The following HNRNPD variants were observed in gnomAD, a reference collection of about 807,000 sequenced individuals.
The protein encoded by HNRNPD is heterogeneous nuclear ribonucleoprotein D.
A neutral mutation model predicts 47.9 loss-of-function variants in HNRNPD; 3 were observed. That is an observed-to-expected ratio of 0.06 (90% CI 0.03 to 0.16). The LOEUF (loss-of-function observed/expected upper bound fraction) is 0.16, where lower values mean the gene tolerates loss of function less well. Ranked by LOEUF, HNRNPD falls within the 10% of genes least tolerant of loss-of-function variation. The probability of loss-of-function intolerance (pLI) is 1.00; values close to 1 mark genes in which losing one functional copy is unlikely to be tolerated. For missense variants in HNRNPD, 287 were observed against 454.2 expected (o/e 0.63, Z 3.35); for synonymous variants, 171 against 165.1 (o/e 1.04, Z -0.28).
At chr4:82,365,912 CTTTT>C (rs898977259) in intron 2 of HNRNPD, among the ~76,000 whole-genome samples, 10 of 151,214 alleles carry the variant, frequency 6.6e-5, no homozygotes, top group African/African-American at 2.2e-4. Context: ...ACCCAGCCCA[CTTTT>C]TTTAACTATT....
At chr4:82,372,340 T>C (rs1322300429) in intron 1 of HNRNPD, among the ~76,000 whole-genome samples, 2 of 152,130 alleles carry the variant, frequency 1.3e-5, no homozygotes, top group Non-Finnish European at 2.9e-5. Context: ...TTAGGTAGTA[T>C]ATACAACTGT....
At chr4:82,358,587 C>G in intron 4 of HNRNPD, 72 bp downstream of exon 4, 1 of 1,372,874 alleles carries the variant, frequency 7.3e-7, no homozygotes, top group Non-Finnish European at 1.0e-6. Context: ...CCAAGTGACT[C>G]TGAGTCCATA....
At position 82,373,933 on chromosome 4, in the gene HNRNPD, C is replaced by T. The variant is rs1720290463; in HGVS notation, c.-255G>A. ...AAAAAAGAATAAGCACCAGCGGCGGCCGCTCTCGCCTCCTCCTCGCTTTAA... is the reference window on the plus strand; with the variant it reads ...AAAAAAGAATAAGCACCAGCGGCGGTCGCTCTCGCCTCCTCCTCGCTTTAA... On this transcript the variant is annotated 5_prime_UTR_variant, in exon 1 of 9. Transcript: ENST00000313899. 5 of 839,430 alleles carry T rather than the reference C, an allele frequency of 6.0e-6. No individual in the cohort carries two copies. The South Asian group carries it at 8.2e-5, about 14-fold the overall frequency. 52.0% of individuals were successfully genotyped at this position (839,430 alleles called of 1,614,324 possible).
At position 82,352,542 on chromosome 4, in the gene HNRNPD, CAT is replaced by C. The variant is rs1723540345; in HGVS notation, c.*1641_*1642del. The C allele has an allele frequency of 6.6e-6, 1 of 152,074 alleles. No homozygotes were observed. Among genetic ancestry groups the C allele is most frequent in the South Asian group, 2.1e-4 (1 of 4,828 alleles). The allele number at this position is 152,074 out of a possible 1,614,324, so 9.4% of individuals were successfully genotyped here. A position where few individuals can be genotyped will look rare whatever the true frequency, so the allele number is the denominator to read the frequency against. The stretch of plus-strand genomic sequence containing the variant: ...TATTGAGAGATTTACATAAAATAAG[CAT>C]ATGATACCAAAAAGAACCCTAGCTT... On this transcript the variant is annotated 3_prime_UTR_variant, in exon 9 of 9. Transcript: ENST00000313899.
At chr4:82,364,891 G>A (rs1719675925) in intron 2 of HNRNPD, among the ~76,000 whole-genome samples, 1 of 152,068 alleles carries the variant, frequency 6.6e-6, no homozygotes, top group African/African-American at 2.4e-5. Flanking sequence ...GGACTATTTA[G>A]GTCACTAGGT....
chr4:82,362,701 C>G (rs1177130960), intron 2 of HNRNPD, among the ~76,000 whole-genome samples: 1 of 152,076 alleles, frequency 6.6e-6, no homozygotes, highest in Admixed American at 6.5e-5. Flanking sequence ...CTCCCAGGTT[C>G]AAGTGATTCT....
Position 82,358,448 on chromosome 4 carries a change from T to C in HNRNPD, c.621+211A>G, listed in dbSNP as rs143427783. The C allele has an allele frequency of 2.3e-4, 104 of 456,306 alleles. 1 individual carries two copies. The highest frequency in any genetic ancestry group is 2.2e-3 in the East Asian group (64 of 28,804). The allele number at this position is 456,306 out of a possible 1,614,324, so 28.3% of individuals were successfully genotyped here. The stretch of plus-strand genomic sequence containing the variant: ...ATCTTTGTATACTCTACCCCAGCAA[T>C]ACTCTGCATAGAGTAGGTGCTCAAT... On this transcript the variant is annotated intron_variant, in intron 4 of 8. Coordinates refer to ENST00000313899, the MANE Select transcript of HNRNPD (RefSeq NM_031370.3).
rs1723618693 is a variant in HNRNPD, at chr4:82,354,059, G to A, written c.*126C>T. The A allele has an allele frequency of 6.6e-6, 1 of 152,600 alleles. No homozygotes were observed. The highest frequency in any genetic ancestry group is 2.4e-5 in the African/African-American group (1 of 41,428). The allele number at this position is 152,600 out of a possible 1,614,324, so 9.5% of individuals were successfully genotyped here. ...GACCCAACGTCATACTTCCATTCAG[G>A]GACTTGATACAAAAAATTTAGTTTG... is the stretch of plus-strand genomic sequence containing the variant. On this transcript the variant is annotated 3_prime_UTR_variant, in exon 9 of 9. Coordinates refer to ENST00000313899, the MANE Select transcript of HNRNPD (RefSeq NM_031370.3).
chr4:82,359,914 A>T (rs1053976336), intron 2 of HNRNPD, among the ~76,000 whole-genome samples: 14 of 152,182 alleles, frequency 9.2e-5, no homozygotes, highest in Admixed American at 7.9e-4. Flanking sequence ...AATACTGTAC[A>T]TAAAAGTTTT....
intron 2 of HNRNPD, among the ~76,000 whole-genome samples, chr4:82,362,745 T>A (rs1232272204): frequency 6.6e-6 from 1 of 152,008 alleles, no homozygotes; most frequent in African/African-American, 2.4e-5. Context: ...GATTACAGGC[T>A]GCACCACCAC....
chr4:82,371,404 C>T lies in HNRNPD; in HGVS notation c.290+124G>A, dbSNP rs186241211. 20 of 687,514 alleles carry T rather than the reference C, an allele frequency of 2.9e-5. No individual in the cohort carries two copies. The East Asian group carries it at 5.3e-4, about 18-fold the overall frequency. The allele number at this position is 687,514 out of a possible 1,614,324, so 42.6% of individuals were successfully genotyped here. On this transcript the variant is annotated intron_variant, in intron 2 of 8. Transcript: ENST00000313899. ...AAAAGGTATATATCCCAGGTACAAA[C>T]CTACTGTATGTACTATGGTCTAGAA...
At chr4:82,363,498 T>C (rs765085542) in intron 2 of HNRNPD, among the ~76,000 whole-genome samples, 14 of 152,194 alleles carry the variant, frequency 9.2e-5, no homozygotes, top group Non-Finnish European at 1.3e-4. Context: ...GTGCAAACAC[T>C]TTCCAATGAA....
chr4:82,370,522 C>A (rs1719988081), intron 2 of HNRNPD, among the ~76,000 whole-genome samples: 2 of 109,088 alleles, frequency 1.8e-5, no homozygotes, highest in South Asian at 4.7e-4. Context: ...AACTGTGACC[C>A]CAGTCTTTTT....
chr4:82,360,999 G>A (rs953018842), intron 2 of HNRNPD, among the ~76,000 whole-genome samples: 5 of 152,076 alleles, frequency 3.3e-5, no homozygotes, highest in Non-Finnish European at 7.4e-5. Flanking sequence ...CTAGAGCTGG[G>A]CCATTTATAT....
In HNRNPD at chr4:82,359,629, T is replaced by C. The variant is rs1231863955; in HGVS notation, c.301A>G (p.Ile101Val). 6.5e-7 allele frequency: 1 copy of C among 1,541,268 alleles called. No individual in the cohort carries two copies. The highest frequency in any genetic ancestry group is 8.8e-7 in the Non-Finnish European group (1 of 1,130,642). ...TAQREEWKMF[I>V]GGLSWDTTKK... is the part of the protein sequence containing the mutation. ...GTAGTGTCCCAGCTAAGGCCTCCTA[T>C]AAACATTTTCCTGTAAAGACAAAAA... Residue 101 changes from isoleucine to valine, a missense_variant, in exon 3 of 9, where the codon ATA becomes GTA. This residue lies in a region of HNRNPD where 22 missense variants were observed against 74.6 expected (regional missense o/e 0.30). Transcript: ENST00000313899.
chr4:82,370,187 CAGTT>C (rs1164893987), intron 2 of HNRNPD, among the ~76,000 whole-genome samples: 1 of 152,122 alleles, frequency 6.6e-6, no homozygotes, highest in South Asian at 2.1e-4. Flanking sequence ...CAGTAAATGA[CAGTT>C]GGTTACTATC....
intron 2 of HNRNPD, among the ~76,000 whole-genome samples, chr4:82,363,366 G>A (rs999825841): frequency 3.3e-5 from 5 of 152,072 alleles, no homozygotes; most frequent in Admixed American, 2.6e-4. Context: ...CACCATGCCC[G>A]GCTAAATTAT....
In HNRNPD at chr4:82,352,989, A is replaced by T. The variant is rs980092320; in HGVS notation, c.*1196T>A. The stretch of plus-strand genomic sequence containing the variant: ...TATTCTGAGCAGTCTGAAGTAACTG[A>T]CTGCACAGCCTTAGATTACCACTCA... On this transcript the variant is annotated 3_prime_UTR_variant, in exon 9 of 9. Transcript: ENST00000313899. 2 of 152,186 alleles carry T rather than the reference A, an allele frequency of 1.3e-5. No homozygotes were observed. The highest frequency in any genetic ancestry group is 4.8e-5 in the African/African-American group (2 of 41,440). The allele number at this position is 152,186 out of a possible 1,614,324, so 9.4% of individuals were successfully genotyped here. A position where few individuals can be genotyped will look rare whatever the true frequency, so the allele number is the denominator to read the frequency against.
chr4:82,363,243 A>AT (rs570722243), intron 2 of HNRNPD, among the ~76,000 whole-genome samples: 142 of 149,658 alleles, frequency 9.5e-4, no homozygotes, highest in African/African-American at 2.8e-3. Flanking sequence ...TGCCAGGCTA[A>AT]TTTTTTTTTG....
Sources: allele counts gnomAD v4.1 joint callset (sites outside exome capture counted in the v4.1 genomes callset), GRCh38; gene constraint gnomAD v4.1.1; regional missense constraint gnomAD v4.1.1; transcripts MANE v1.5; gene names NCBI Gene and HGNC (gene_info 2026-07-23, HGNC 2026-07-21).